NFIB: variants seen among roughly 807,000 people sequenced by gnomAD.
NFIB encodes nuclear factor 1 B-type.
NFIB carries 11 observed loss-of-function variants against 61.5 expected under a neutral mutation model. That is an observed-to-expected ratio of 0.18 (90% confidence interval 0.11 to 0.30). The LOEUF (loss-of-function observed/expected upper bound fraction) is 0.30. Ranked by LOEUF, NFIB falls within the 10% of genes least tolerant of loss-of-function variation. The pLI, the probability that NFIB is intolerant of heterozygous loss-of-function variation, is 1.00. For synonymous variants in NFIB, 260 were observed against 216.5 expected (o/e 1.20, Z -1.76); for missense variants, 471 against 608.9 (o/e 0.77, Z 2.38).
At chr9:14,513,753 T>C in the NFIB span, among the ~76,000 whole-genome samples, 7 of 152,184 alleles carry the variant, frequency 4.6e-5, no homozygotes, top group South Asian at 4.1e-4. Flanking sequence ...GATTACAGCA[T>C]GCTGGCAAAT....
chr9:14,105,219 T>A (rs2036384520), intron 10 of NFIB, among the ~76,000 whole-genome samples: 1 of 152,214 alleles, frequency 6.6e-6, no homozygotes, highest in Admixed American at 6.5e-5. Flanking sequence ...TAAACCTGAC[T>A]ACAGCTATTC....
At chr9:14,456,446 ATAAT>A in the NFIB span, among the ~76,000 whole-genome samples, 1 of 152,196 alleles carries the variant, frequency 6.6e-6, no homozygotes, top group Non-Finnish European at 1.5e-5. Flanking sequence ...ATATAGACAT[ATAAT>A]TAATTTCTCT....
At chr9:14,132,206 TC>T (rs1354200660) in intron 6 of NFIB, among the ~76,000 whole-genome samples, 4 of 152,202 alleles carry the variant, frequency 2.6e-5, no homozygotes, top group Admixed American at 2.6e-4. Flanking sequence ...TAGTCCTTTT[TC>T]TAGGATAGAA....
intron 1 of NFIB, among the ~76,000 whole-genome samples, chr9:14,372,994 T>A (rs1367105866): frequency 1.4e-5 from 2 of 146,112 alleles, no homozygotes; most frequent in African/African-American, 5.1e-5. Context: ...TGGTGGGGGG[T>A]GGGGACTGAT....
the NFIB span, among the ~76,000 whole-genome samples, chr9:14,511,927 A>C: frequency 6.6e-6 from 1 of 152,198 alleles, no homozygotes; most frequent in Non-Finnish European, 1.5e-5. Flanking sequence ...TCTTGGGTTC[A>C]ATATAGTTAA....
intron 1 of NFIB, among the ~76,000 whole-genome samples, chr9:14,351,019 T>C (rs1437122764): frequency 6.6e-6 from 1 of 152,110 alleles, no homozygotes; most frequent in Non-Finnish European, 1.5e-5. Flanking sequence ...CGGAGGGAAA[T>C]CTCCCGTTCT....
intron 1 of NFIB, among the ~76,000 whole-genome samples, chr9:14,341,834 C>A (rs1164196445): frequency 6.6e-6 from 1 of 151,734 alleles, no homozygotes; most frequent in African/African-American, 2.4e-5. Context: ...AACAGTCGGG[C>A]TAGGACAGGC....
the NFIB span, among the ~76,000 whole-genome samples, chr9:14,436,237 A>T: frequency 2.6e-4 from 39 of 152,356 alleles, no homozygotes; most frequent in African/African-American, 8.9e-4. Context: ...CTGTTATAAA[A>T]GTCCCAGGCA....
At chr9:14,126,174 G>A (rs892193499) in intron 6 of NFIB, among the ~76,000 whole-genome samples, 1 of 152,280 alleles carries the variant, frequency 6.6e-6, no homozygotes, top group South Asian at 2.1e-4. Flanking sequence ...CTTCAGGTAT[G>A]TTGGTCACGA....
rs75364408 is a variant in NFIB at position 14,398,721 on chromosome 9, C to T, written c.-90G>A. 1.9e-3 allele frequency: 1,599 copies of T among 862,226 alleles called. 24 individuals are homozygous for T. In the African/African-American group the frequency reaches 0.025, roughly 13 times the overall value. 53.4% of individuals were successfully genotyped at this position (862,226 alleles called of 1,614,324 possible). A position where few individuals can be genotyped will look rare whatever the true frequency, so the allele number is the denominator to read the frequency against. Reference sequence around the variant, plus strand: ...ATGTTTGCTCCAGGTCACCGAGTACCTTAGCAAACGCAGCTTCATAGGAAT... The same window carrying T: ...ATGTTTGCTCCAGGTCACCGAGTACTTTAGCAAACGCAGCTTCATAGGAAT... On this transcript the variant is annotated 5_prime_UTR_variant, in exon 1 of 9. Coordinates refer to the NFIB transcript ENST00000380934.
intron 1 of NFIB, among the ~76,000 whole-genome samples, chr9:14,352,094 T>G (rs1387797535): frequency 6.6e-6 from 1 of 152,146 alleles, no homozygotes; most frequent in Non-Finnish European, 1.5e-5. Flanking sequence ...ATAAGTCATC[T>G]TTGCAGCAAC....
At chr9:14,207,755 C>T (rs1448362235) in intron 2 of NFIB, among the ~76,000 whole-genome samples, 1 of 152,192 alleles carries the variant, frequency 6.6e-6, no homozygotes, top group Non-Finnish European at 1.5e-5. Flanking sequence ...ATGAATGTTA[C>T]TACGGTCTTG....
intron 5 of NFIB, 68 bp downstream of exon 5, chr9:14,150,077 T>C: frequency 6.3e-7 from 1 of 1,590,202 alleles, no homozygotes; most frequent in Non-Finnish European, 8.6e-7. Flanking sequence ...CCTATCTATC[T>C]GCCTATCATC....
chr9:14,340,068 T>C (rs2060932294), intron 1 of NFIB, among the ~76,000 whole-genome samples: 1 of 152,194 alleles, frequency 6.6e-6, no homozygotes, highest in East Asian at 1.9e-4. Context: ...TTGTCCAAAG[T>C]TCACCTTTCT....
chr9:14,417,886 T>C, the NFIB span, among the ~76,000 whole-genome samples: 148 of 149,874 alleles, frequency 9.9e-4, no homozygotes, highest in African/African-American at 3.5e-3. Context: ...GTTCAAGTGA[T>C]TCTCCTGCCT....
chr9:14,488,675 C>T, the NFIB span, among the ~76,000 whole-genome samples: 4 of 152,188 alleles, frequency 2.6e-5, no homozygotes, highest in Non-Finnish European at 5.9e-5. Flanking sequence ...ATAGGCTACG[C>T]AGCCTCAACC....
At chr9:14,463,611 T>G in the NFIB span, among the ~76,000 whole-genome samples, 1 of 151,442 alleles carries the variant, frequency 6.6e-6, no homozygotes, top group Non-Finnish European at 1.5e-5. Context: ...TTTTCTGGGA[T>G]GTAAGATGCT....
chr9:14,358,091 G>A (rs910407451), intron 1 of NFIB, among the ~76,000 whole-genome samples: 5 of 151,912 alleles, frequency 3.3e-5, no homozygotes, highest in Admixed American at 2.0e-4. Context: ...GCAACTTTGT[G>A]ATTTTGTTAA....
At chr9:14,245,310 A>T (rs1400716826) in intron 2 of NFIB, among the ~76,000 whole-genome samples, 1 of 152,168 alleles carries the variant, frequency 6.6e-6, no homozygotes, top group African/African-American at 2.4e-5. Flanking sequence ...CCTTCTTTCT[A>T]TTCCTACCAG....
Sources: allele counts gnomAD v4.1 joint callset (sites outside exome capture counted in the v4.1 genomes callset), GRCh38; gene constraint gnomAD v4.1.1; transcripts MANE v1.5; gene names NCBI Gene and HGNC (gene_info 2026-07-23, HGNC 2026-07-21).